ANTXR2: variants seen among roughly 807,000 people sequenced by gnomAD.
The protein encoded by ANTXR2 is ANTXR cell adhesion molecule 2.
Under a neutral mutation model 73.7 loss-of-function variants are expected in ANTXR2, and 44 were observed. That is an observed-to-expected ratio of 0.60 (90% CI 0.47 to 0.77). The LOEUF is 0.77. ANTXR2 is among the 30% of genes least tolerant of loss of function. The probability of loss-of-function intolerance (pLI) is 0.00; values close to 1 mark genes in which losing one functional copy is unlikely to be tolerated. For synonymous variants in ANTXR2, 217 were observed against 205.9 expected, an observed-to-expected ratio of 1.05 and a Z score of -0.46; for missense variants, 604 against 592.5, an observed-to-expected ratio of 1.02 and a Z score of -0.20.
In ANTXR2 at chr4:80,022,821, G is replaced by A. The variant is rs548506082; in HGVS notation, c.867-3845C>T. ...TAATATTGAAAAAGGGCATTTGGGC[G>A]AAACTGGAGTCCTGAGTTTGAACCC... On this transcript the variant is annotated intron_variant, in intron 10 of 16. Transcript: ENST00000403729. Among the ~76,000 whole-genome samples the A allele has an allele frequency of 4.6e-5, 7 of 152,220 alleles. No individual in the cohort carries two copies. The South Asian group carries it at 6.2e-4, about 14-fold the overall frequency.
chr4:79,962,858 G>A (rs1729195037), intron 16 of ANTXR2, among the ~76,000 whole-genome samples: 1 of 152,110 alleles, frequency 6.6e-6, no homozygotes, highest in African/African-American at 2.4e-5. Flanking sequence ...ATAATATTGA[G>A]TAGCCCAGGC....
intron 3 of ANTXR2, among the ~76,000 whole-genome samples, chr4:80,060,308 G>T (rs917524232): frequency 6.6e-6 from 1 of 152,152 alleles, no homozygotes; most frequent in African/African-American, 2.4e-5. Flanking sequence ...TTGGGTCAGG[G>T]TTATCACTGG....
At chr4:79,988,798 G>T (rs11543549) in intron 12 of ANTXR2, among the ~76,000 whole-genome samples, 113,582 of 151,278 alleles carry the variant, frequency 0.75, 42,893 homozygotes, top group East Asian at 0.94. Flanking sequence ...AATCACACTA[G>T]CAGAACACAG....
intron 12 of ANTXR2, among the ~76,000 whole-genome samples, chr4:79,997,013 C>T (rs1307852937): frequency 6.6e-6 from 1 of 151,348 alleles, no homozygotes; most frequent in African/African-American, 2.4e-5. Flanking sequence ...TACATCTCAT[C>T]TACTTAGCTG....
At chr4:79,975,295 G>A (rs1242300585) in intron 16 of ANTXR2, among the ~76,000 whole-genome samples, 5 of 152,166 alleles carry the variant, frequency 3.3e-5, no homozygotes, top group Admixed American at 3.3e-4. Flanking sequence ...ACACATTCCA[G>A]AATAGATCTT....
chr4:80,043,797 T>A (rs766648004), intron 7 of ANTXR2, among the ~76,000 whole-genome samples: 26 of 151,994 alleles, frequency 1.7e-4, no homozygotes, highest in Non-Finnish European at 3.8e-4. Context: ...TGGCAGGAGA[T>A]GAAAGTAGAT....
Position 79,906,133 on chromosome 4 carries a change from C to T in ANTXR2, c.*1296G>A, listed in dbSNP as rs1360127703. On this transcript the variant is annotated 3_prime_UTR_variant, in exon 17 of 17. Coordinates refer to ENST00000403729, the MANE Select transcript of ANTXR2 (RefSeq NM_058172.6). The stretch of plus-strand genomic sequence containing the variant: ...CCCACGGTGTTTCTGCTCACGCTAA[C>T]ATAATTTGGCATCGTCGACGTGACA... The T allele has an allele frequency of 6.6e-6, 1 of 152,606 alleles. No individual in the cohort carries two copies. The highest frequency in any genetic ancestry group is 2.4e-5 in the African/African-American group (1 of 41,440). 9.5% of individuals were successfully genotyped at this position (152,606 alleles called of 1,614,324 possible).
chr4:80,068,771 CA>C (rs1467594843), intron 3 of ANTXR2, among the ~76,000 whole-genome samples: 1 of 151,880 alleles, frequency 6.6e-6, no homozygotes, highest in Non-Finnish European at 1.5e-5. Flanking sequence ...GACTCTGTCT[CA>C]AAAAATAAAA....
chr4:80,004,482 G>T (rs370726307), intron 12 of ANTXR2, among the ~76,000 whole-genome samples: 1 of 126,184 alleles, frequency 7.9e-6, no homozygotes, highest in African/African-American at 2.5e-5. Flanking sequence ...GGCCAAGCTG[G>T]TTCTTCCTGT....
At chr4:79,967,284 G>T (rs1175937805) in intron 16 of ANTXR2, among the ~76,000 whole-genome samples, 1 of 53,358 alleles carries the variant, frequency 1.9e-5, no homozygotes, top group African/African-American at 5.9e-5. Flanking sequence ...ACGGAATCTC[G>T]CTGATTGCTA....
At chr4:80,039,339 T>C (rs1357406340) in intron 7 of ANTXR2, among the ~76,000 whole-genome samples, 1 of 152,124 alleles carries the variant, frequency 6.6e-6, no homozygotes, top group East Asian at 1.9e-4. Context: ...AAGCAACAAC[T>C]AGAAATCAAA....
intron 16 of ANTXR2, among the ~76,000 whole-genome samples, chr4:79,955,784 C>T (rs553704219): frequency 7.1e-4 from 108 of 152,236 alleles, no homozygotes; most frequent in Non-Finnish European, 1.2e-3. Context: ...ATGACAGTAT[C>T]GAGATCCCAA....
intron 7 of ANTXR2, among the ~76,000 whole-genome samples, chr4:80,040,080 G>A (rs751906810): frequency 9.9e-5 from 15 of 151,846 alleles, no homozygotes; most frequent in East Asian, 3.9e-4. Flanking sequence ...ACTCATGGAC[G>A]TAAAGATGGG....
intron 16 of ANTXR2, among the ~76,000 whole-genome samples, chr4:79,966,493 C>A (rs1409432161): frequency 1.3e-5 from 2 of 152,110 alleles, no homozygotes; most frequent in African/African-American, 4.8e-5. Flanking sequence ...ATTAGCTGTG[C>A]CAAATATACT....
intron 10 of ANTXR2, among the ~76,000 whole-genome samples, chr4:80,030,883 A>G (rs73829345): frequency 0.1 from 15,738 of 152,060 alleles, 912 homozygotes; most frequent in Middle Eastern, 0.23. Flanking sequence ...TATCTTAAAC[A>G]TGCTCTACTG....
chr4:80,065,706 GGTAA>G (rs1734464992), intron 3 of ANTXR2, among the ~76,000 whole-genome samples: 1 of 152,092 alleles, frequency 6.6e-6, no homozygotes, highest in Non-Finnish European at 1.5e-5. Context: ...ACAGCCCTAC[GGTAA>G]GTATTTACTA....
chr4:80,037,759 G>A (rs1275124493), intron 7 of ANTXR2, among the ~76,000 whole-genome samples: 2 of 152,048 alleles, frequency 1.3e-5, no homozygotes, highest in Non-Finnish European at 2.9e-5. Context: ...AGACTCTGAA[G>A]GAAATAGAAT....
intron 16 of ANTXR2, among the ~76,000 whole-genome samples, chr4:79,953,163 G>T (rs1243713094): frequency 6.6e-6 from 1 of 151,992 alleles, no homozygotes; most frequent in Non-Finnish European, 1.5e-5. Context: ...ACACACTAAG[G>T]ATTTCTCATC....
intron 15 of ANTXR2, 114 bp downstream of exon 15, chr4:79,977,893 G>T: frequency 1.5e-6 from 2 of 1,309,864 alleles, no homozygotes; most frequent in South Asian, 1.5e-5. Flanking sequence ...AGTGTACAAT[G>T]AATATCTGCA....
Sources: gnomAD v4.1 joint callset for allele counts (sites outside exome capture counted in the v4.1 genomes callset) on GRCh38, gnomAD v4.1.1 for gene constraint, MANE v1.5 for transcripts, NCBI Gene and HGNC (gene_info 2026-07-23, HGNC 2026-07-21) for gene names.